MECOM: variants seen among roughly 807,000 people sequenced by gnomAD.
MECOM encodes MDS1 and EVI1 complex locus.
In MECOM, 13 loss-of-function variants were observed where a neutral mutation model predicts 116.3. That is an observed-to-expected ratio of 0.11 (90% CI 0.07 to 0.18). The LOEUF is 0.18. Among genes scored for constraint, MECOM ranks in the 10% least tolerant of loss-of-function variants. MECOM has a pLI of 1.00. For synonymous variants in MECOM, 528 were observed against 535.2 expected (o/e 0.99, Z 0.19); for missense variants, 1,299 against 1,509.0 (o/e 0.86, Z 2.31).
chr3:169,374,967 T>C (rs1440473612), intron 2 of MECOM, among the ~76,000 whole-genome samples: 1 of 151,794 alleles, frequency 6.6e-6, no homozygotes, highest in African/African-American at 2.4e-5. Flanking sequence ...AGCTCAGCAG[T>C]GAGCTTTGAT....
At chr3:169,358,240 G>A (rs1727602261) in intron 2 of MECOM, among the ~76,000 whole-genome samples, 1 of 151,646 alleles carries the variant, frequency 6.6e-6, no homozygotes, top group African/African-American at 2.4e-5. Flanking sequence ...TGCCTAAAAT[G>A]TCAGCTGTTT....
At chr3:169,099,137 G>C (rs568274282) in intron 12 of MECOM, among the ~76,000 whole-genome samples, 107 of 149,826 alleles carry the variant, frequency 7.1e-4, no homozygotes, top group African/African-American at 2.6e-3. Context: ...AAAACCCAGA[G>C]GGGCTGGACA....
intron 1 of MECOM, among the ~76,000 whole-genome samples, chr3:169,624,407 G>A (rs1242231676): frequency 6.6e-6 from 1 of 152,158 alleles, no homozygotes; most frequent in Non-Finnish European, 1.5e-5. Flanking sequence ...TTATTGTGCA[G>A]CCTTCTAGAA....
chr3:169,388,367 C>T (rs541153093), intron 1 of MECOM, among the ~76,000 whole-genome samples: 9 of 152,254 alleles, frequency 5.9e-5, no homozygotes, highest in East Asian at 3.9e-4. Flanking sequence ...TGAATAAACA[C>T]GTGCTGGGCT....
intron 3 of MECOM, among the ~76,000 whole-genome samples, chr3:169,133,083 A>G (rs1735278841): frequency 2.7e-5 from 4 of 150,456 alleles, no homozygotes; most frequent in Admixed American, 2.6e-4. Context: ...AAAAAAGTCC[A>G]GATTCTAAAT....
chr3:169,182,850 C>T (rs1405798228), intron 2 of MECOM, among the ~76,000 whole-genome samples: 2 of 152,018 alleles, frequency 1.3e-5, no homozygotes, highest in Non-Finnish European at 2.9e-5. Context: ...TGAGATGCTA[C>T]TTGAACACCT....
chr3:169,212,513 C>T (rs947074589), intron 2 of MECOM, among the ~76,000 whole-genome samples: 1 of 150,560 alleles, frequency 6.6e-6, no homozygotes, highest in Non-Finnish European at 1.5e-5. Flanking sequence ...ACTACTTGCC[C>T]TGTCTTTTAA....
intron 1 of MECOM, among the ~76,000 whole-genome samples, chr3:169,522,504 A>G (rs1757469877): frequency 6.6e-6 from 1 of 152,194 alleles, no homozygotes; most frequent in Admixed American, 6.5e-5. Flanking sequence ...TTTAAAGCAC[A>G]GTAGGTTTAA....
rs774934955 is a variant in MECOM, at chr3:169,606,408, C to CAA, written c.37+56926_37+56927dup. Reference sequence around the variant, plus strand: ...CCTGTGACAGGGCAAGTCTTCGTCTCAAAAAAAAAAAAAAAGAAAAAGAAA... The same window carrying CAA: ...CCTGTGACAGGGCAAGTCTTCGTCTCAAAAAAAAAAAAAAAAAGAAAAAGAAA... On this transcript the variant is annotated intron_variant, in intron 1 of 16. Coordinates refer to ENST00000651503, the MANE Select transcript of MECOM (RefSeq NM_004991.4). Among the ~76,000 whole-genome samples the CAA allele has an allele frequency of 7.2e-3, 799 of 110,420 alleles. 5 individuals are homozygous for CAA. Among genetic ancestry groups the CAA allele is most frequent in the Admixed American group, 0.013 (138 of 10,896 alleles). 72.4% of individuals were successfully genotyped at this position (110,420 alleles called of 152,430 possible).
At chr3:169,590,988 T>C (rs1210369722) in intron 1 of MECOM, among the ~76,000 whole-genome samples, 1 of 152,206 alleles carries the variant, frequency 6.6e-6, no homozygotes, top group South Asian at 2.1e-4. Context: ...GCTTTAGAAT[T>C]GATGGAGATT....
chr3:169,268,762 C>A (rs1758594882), intron 2 of MECOM, among the ~76,000 whole-genome samples: 1 of 152,192 alleles, frequency 6.6e-6, no homozygotes, highest in Admixed American at 6.5e-5. Flanking sequence ...TAGACGTCTT[C>A]CCTATAGCCA....
intron 1 of MECOM, among the ~76,000 whole-genome samples, chr3:169,660,387 A>G (rs964071336): frequency 4.6e-5 from 7 of 152,148 alleles, no homozygotes; most frequent in Non-Finnish European, 7.3e-5. Context: ...TGTATAAAAT[A>G]CAAGCCTTAC....
intron 2 of MECOM, among the ~76,000 whole-genome samples, chr3:169,325,967 T>C (rs1721766154): frequency 6.6e-6 from 1 of 151,990 alleles, no homozygotes; most frequent in African/African-American, 2.4e-5. Flanking sequence ...GCACTAGACA[T>C]AGCAATATGA....
chr3:169,197,579 A>G (rs1748602661), intron 2 of MECOM, among the ~76,000 whole-genome samples: 1 of 151,984 alleles, frequency 6.6e-6, no homozygotes, highest in South Asian at 2.1e-4. Context: ...TTTTAAAGCC[A>G]GAAGATCCAT....
chr3:169,544,416 C>T (rs972208066), intron 1 of MECOM, among the ~76,000 whole-genome samples: 1 of 152,184 alleles, frequency 6.6e-6, no homozygotes, highest in Admixed American at 6.5e-5. Context: ...ATTTCTGGTT[C>T]TAGATCTTTG....
chr3:169,635,742 A>G (rs1392218507), intron 1 of MECOM, among the ~76,000 whole-genome samples: 1 of 152,236 alleles, frequency 6.6e-6, no homozygotes, highest in Non-Finnish European at 1.5e-5. Flanking sequence ...GGTGAACTAC[A>G]CTGGATATGC....
intron 13 of MECOM, among the ~76,000 whole-genome samples, chr3:169,093,517 T>TA (rs1720469840): frequency 6.6e-6 from 1 of 152,232 alleles, no homozygotes; most frequent in Admixed American, 6.5e-5. Context: ...TTTATTTATT[T>TA]TTTGGCTACT....
intron 7 of MECOM, among the ~76,000 whole-genome samples, chr3:169,117,215 T>A (rs1012020682): frequency 7.9e-5 from 12 of 152,156 alleles, no homozygotes; most frequent in Non-Finnish European, 1.3e-4. Context: ...AACCAGAAAC[T>A]TCACCTTTAT....
chr3:169,302,547 A>T (rs2149714911), intron 2 of MECOM, among the ~76,000 whole-genome samples: 1 of 152,328 alleles, frequency 6.6e-6, no homozygotes, highest in Non-Finnish European at 1.5e-5. Flanking sequence ...CCAGGGAAAA[A>T]CTATGAACAA....
Sources: allele counts gnomAD v4.1 joint callset (sites outside exome capture counted in the v4.1 genomes callset), GRCh38; gene constraint gnomAD v4.1.1; transcripts MANE v1.5; gene names NCBI Gene and HGNC (gene_info 2026-07-23, HGNC 2026-07-21).